TEX2: variants seen among roughly 807,000 people sequenced by gnomAD.
TEX2 encodes the protein testis-expressed protein 2.
Under a neutral mutation model 106.9 loss-of-function variants are expected in TEX2, and 53 were observed. The observed-to-expected ratio is 0.50, with a 90% CI of 0.40 to 0.62. The LOEUF (loss-of-function observed/expected upper bound fraction) is 0.62. Among genes scored for constraint, TEX2 ranks in the 20% least tolerant of loss-of-function variants. The pLI is 0.00. For synonymous variants in TEX2, 523 were observed against 534.8 expected (o/e 0.98, Z 0.30); for missense variants, 1,207 against 1,379.0 (o/e 0.88, Z 1.98).
chr17:64,237,563 C>T (rs2033797370), intron 1 of TEX2, among the ~76,000 whole-genome samples: 2 of 152,014 alleles, frequency 1.3e-5, no homozygotes, highest in South Asian at 4.2e-4. Flanking sequence ...ACAATGGCAG[C>T]CCGGACTAGC....
chr17:64,156,068 C>A (rs1383938726), intron 8 of TEX2: 1 of 152,296 alleles, frequency 6.6e-6, no homozygotes, highest in African/African-American at 2.4e-5. Context: ...GCCTATCTCC[C>A]TGCAGCTGCA....
chr17:64,193,718 G>T lies in TEX2; in HGVS notation c.2017C>A (p.Arg673Ser). 6.2e-7 allele frequency: 1 copy of T among 1,613,154 alleles called. No individual in the cohort carries two copies. Among genetic ancestry groups the T allele is most frequent in the South Asian group, 1.1e-5 (1 of 90,922 alleles). ...CTAGATCTTGTTCCCTCCTGAGGGC[G>T]GGGTGGCTTCTTAGGGTCCTCACTT... ...EGSEDPKKPP[R>S]PQEGTRSSQR... is the part of the protein sequence containing the mutation. Residue 673 changes from arginine to serine, a missense_variant, in exon 4 of 12, where the codon CGC (arginine) becomes AGC (serine). Physicochemically the swap from Arg to Ser is moderately radical, Grantham distance 110. Transcript: ENST00000584379.
chr17:64,194,932 T>C lies in TEX2; in HGVS notation c.1808A>G (p.Tyr603Cys). The C allele has an allele frequency of 6.2e-7, 1 of 1,614,230 alleles. No homozygotes were observed. Among genetic ancestry groups the C allele is most frequent in the Non-Finnish European group, 8.5e-7 (1 of 1,180,018 alleles). ...GAGGTCATAGATTTTCTGGCTGATG[T>C]AGGTGACCTCTGGCTTGGGTTCATT... The part of the protein sequence containing the change: ...SYNEPKPEVT[Y>C]ISQKIYDLSD... The change falls in exon 3 of 12, where the codon TAC becomes TGC. Residue 603 changes from tyrosine to cysteine, a missense_variant. Tyr to Cys is a radical substitution (Grantham distance 194). Around this residue, in one of 3 missense-constraint regions of TEX2, gnomAD observed 1,067 missense variants for 1,193.6 expected, o/e 0.89. Transcript: ENST00000584379.
chr17:64,214,626 C>T (rs569462719), intron 1 of TEX2, among the ~76,000 whole-genome samples: 1 of 152,284 alleles, frequency 6.6e-6, no homozygotes, highest in East Asian at 1.9e-4. Context: ...AATGTAGCAT[C>T]CTGTTGAGTT....
intron 1 of TEX2, among the ~76,000 whole-genome samples, chr17:64,243,902 G>A (rs549323359): frequency 2.0e-5 from 3 of 148,696 alleles, no homozygotes; most frequent in African/African-American, 7.5e-5. Flanking sequence ...TCCACCTCCC[G>A]GGTTCAAGCG....
In TEX2 at chr17:64,231,454, T is replaced by C. The variant is rs78867275; in HGVS notation, c.-25-17212A>G. Among the ~76,000 whole-genome samples, 1,457 of 152,304 alleles carry C rather than the reference T, an allele frequency of 9.6e-3. 17 individuals carry two copies. The highest frequency in any genetic ancestry group is 0.01 in the Non-Finnish European group (694 of 68,020). On this transcript the variant is annotated intron_variant, in intron 1 of 11. Transcript: ENST00000584379. ...GGACGGAACCAAAGGAGAGACTGAA[T>C]GCAGGCTGGCCCTTCACACCACTCT...
chr17:64,200,080 A>G (rs929816754), intron 2 of TEX2, among the ~76,000 whole-genome samples: 1 of 152,252 alleles, frequency 6.6e-6, no homozygotes, highest in Non-Finnish European at 1.5e-5. Context: ...TTAACCTGCA[A>G]TATTAAAAAC....
At chr17:64,218,189 T>C (rs1298069328) in intron 1 of TEX2, among the ~76,000 whole-genome samples, 1 of 152,016 alleles carries the variant, frequency 6.6e-6, no homozygotes, top group East Asian at 1.9e-4. Flanking sequence ...GAGGTTTCAG[T>C]GAGCTGAGAC....
intron 1 of TEX2, among the ~76,000 whole-genome samples, chr17:64,223,906 G>C (rs1567954360): frequency 6.6e-6 from 1 of 151,984 alleles, no homozygotes; most frequent in South Asian, 2.1e-4. Flanking sequence ...TAGTAGAGAC[G>C]GGGTTTTACC....
Position 64,182,823 on chromosome 17 carries a change from CATA to C in TEX2, c.2424+5342_2424+5344del, listed in dbSNP as rs377584582. 3.6e-3 allele frequency among the ~76,000 whole-genome samples: 549 copies of C among 151,998 alleles called. 6 individuals are homozygous for C. The highest frequency in any genetic ancestry group is 0.013 in the African/African-American group (521 of 41,410). ...TTGCATAATAAACTTATTTTTATTG[CATA>C]ATAATATTATCATCTATGCATATAC... On this transcript the variant is annotated intron_variant, in intron 5 of 11. Coordinates refer to ENST00000584379, the MANE Select transcript of TEX2 (RefSeq NM_001288732.2).
At chr17:64,260,703 A>G (rs906098529) in intron 1 of TEX2, among the ~76,000 whole-genome samples, 5 of 152,190 alleles carry the variant, frequency 3.3e-5, no homozygotes, top group South Asian at 2.1e-4. Context: ...TCTCTTTTCT[A>G]TACTAGTCTT....
chr17:64,228,146 C>T (rs2033557257), intron 1 of TEX2, among the ~76,000 whole-genome samples: 2 of 152,062 alleles, frequency 1.3e-5, no homozygotes, highest in Admixed American at 6.5e-5. Context: ...CATATGTATA[C>T]ATCTTCACTT....
In TEX2 at chr17:64,203,044, T is replaced by G. The variant is rs189612988; in HGVS notation, c.1645-7949A>C. Among the ~76,000 whole-genome samples the G allele has an allele frequency of 1.8e-4, 27 of 152,358 alleles. 1 individual carries two copies. The highest frequency in any genetic ancestry group is 6.3e-4 in the African/African-American group (26 of 41,590). The stretch of plus-strand genomic sequence containing the variant: ...GGGGCCATTTAATATTTTAAAAGAT[T>G]AAAAGCTACAATTAACCTTTTGCAA... On this transcript the variant is annotated intron_variant, in intron 2 of 11. Transcript: ENST00000584379.
At chr17:64,179,051 G>T (rs1193756889) in intron 5 of TEX2, among the ~76,000 whole-genome samples, 1 of 152,246 alleles carries the variant, frequency 6.6e-6, no homozygotes, top group Non-Finnish European at 1.5e-5. Context: ...CCAGCACACT[G>T]CTCAGTCCCA....
intron 5 of TEX2, 146 bp from the exon 6 acceptor site, chr17:64,177,617 C>T (rs570499517): frequency 2.4e-5 from 20 of 818,020 alleles, no homozygotes; most frequent in Non-Finnish European, 3.2e-5. Flanking sequence ...TTACAAGTCC[C>T]ACATTGTATT....
At chr17:64,220,674 T>C (rs1451808648) in intron 1 of TEX2, among the ~76,000 whole-genome samples, 2 of 152,274 alleles carry the variant, frequency 1.3e-5, no homozygotes, top group South Asian at 2.1e-4. Context: ...ACCAGTCAGA[T>C]GACAATTATT....
chr17:64,261,895 T>G (rs375710957), intron 1 of TEX2, among the ~76,000 whole-genome samples: 1 of 152,206 alleles, frequency 6.6e-6, no homozygotes, highest in South Asian at 2.1e-4. Flanking sequence ...TCTTCCAATA[T>G]GAGACAAGCG....
At chr17:64,194,779 T>C (rs997608850) in intron 3 of TEX2, 116 bp downstream of exon 3, 8 of 890,982 alleles carry the variant, frequency 9.0e-6, no homozygotes, top group Non-Finnish European at 1.3e-5. Flanking sequence ...TCCCCTAAGG[T>C]ATACTGTTCA....
chr17:64,209,787 G>T (rs1358985813), intron 2 of TEX2, among the ~76,000 whole-genome samples: 2 of 152,200 alleles, frequency 1.3e-5, no homozygotes, highest in African/African-American at 2.4e-5. Flanking sequence ...GATTGAATGA[G>T]ATAATACACC....
Sources: gnomAD v4.1 joint callset for allele counts (sites outside exome capture counted in the v4.1 genomes callset) on GRCh38, gnomAD v4.1.1 for gene constraint, gnomAD v4.1.1 regional missense constraint, MANE v1.5 for transcripts, NCBI Gene and HGNC (gene_info 2026-07-23, HGNC 2026-07-21) for gene names.